KATNIP: variants seen among roughly 807,000 people sequenced by gnomAD.
The protein encoded by KATNIP is katanin-interacting protein.
Under a neutral mutation model 174.0 loss-of-function variants are expected in KATNIP, and 126 were observed. The observed-to-expected ratio is 0.72, with a 90% CI of 0.63 to 0.84. The LOEUF is 0.84. Among genes scored for constraint, KATNIP ranks in the 40% least tolerant of loss-of-function variants. The probability of loss-of-function intolerance (pLI) is 0.00; values close to 1 mark genes in which losing one functional copy is unlikely to be tolerated. For synonymous variants in KATNIP, 810 were observed against 835.7 expected (o/e 0.97, Z 0.53); for missense variants, 1,958 against 2,109.7 (o/e 0.93, Z 1.41).
intron 23 of KATNIP, among the ~76,000 whole-genome samples, chr16:27,773,554 G>A (rs1412796327): frequency 2.6e-5 from 4 of 152,228 alleles, no homozygotes; most frequent in Non-Finnish European, 1.5e-5. Flanking sequence ...CTGTTGCACT[G>A]TGTTCAACTC....
In KATNIP at chr16:27,777,533, A is replaced by T. The variant is rs899043835; in HGVS notation, c.4552-77A>T. ...TCCCGAGGAGAAAGCCTTGGCTCAG[A>T]GCAGTAACGCGTTCTGCCCAAGGTC... On this transcript the variant is annotated intron_variant, in intron 25 of 27. Coordinates refer to ENST00000261588, the MANE Select transcript of KATNIP (RefSeq NM_015202.5). The surrounding 1 kb of genome is among the most constrained non-coding windows in gnomAD (Gnocchi z 4.4). 2.9e-6 allele frequency: 4 copies of T among 1,399,212 alleles called. No homozygotes were observed. The highest frequency in any genetic ancestry group is 2.2e-5 in the Admixed American group (1 of 46,368). The allele number at this position is 1,399,212 out of a possible 1,614,324, so 86.7% of individuals were successfully genotyped here. A position where few individuals can be genotyped will look rare whatever the true frequency, so the allele number is the denominator to read the frequency against.
intron 8 of KATNIP, among the ~76,000 whole-genome samples, chr16:27,692,999 A>G (rs2078788834): frequency 6.6e-6 from 1 of 151,806 alleles, no homozygotes; most frequent in African/African-American, 2.4e-5. Context: ...GCTCAAAACC[A>G]CATCCTTCAG....
intron 2 of KATNIP, among the ~76,000 whole-genome samples, chr16:27,585,229 G>T (rs2090849579): frequency 6.6e-6 from 1 of 152,090 alleles, no homozygotes; most frequent in Non-Finnish European, 1.5e-5. Flanking sequence ...ACTACAATGA[G>T]ATATCATCTC....
At chr16:27,751,576 A>G (rs2081518655) in intron 16 of KATNIP, 143 bp from the exon 17 acceptor site, 1 of 678,632 alleles carries the variant, frequency 1.5e-6, no homozygotes, top group South Asian at 2.1e-5. Flanking sequence ...AAATCTGTGA[A>G]GACTAATAAG....
chr16:27,552,840 A>C (rs2141513586), intron 1 of KATNIP, among the ~76,000 whole-genome samples: 1 of 152,094 alleles, frequency 6.6e-6, no homozygotes, highest in Admixed American at 6.6e-5. Context: ...GATTACAGGC[A>C]TGTGCCACCA....
intron 5 of KATNIP, among the ~76,000 whole-genome samples, chr16:27,645,491 C>T (rs950587453): frequency 6.6e-6 from 1 of 152,182 alleles, no homozygotes; most frequent in Non-Finnish European, 1.5e-5. Flanking sequence ...AACAAGTGCC[C>T]AGAGTGGGTT....
At chr16:27,715,585 G>A (rs1157765200) in intron 13 of KATNIP, among the ~76,000 whole-genome samples, 1 of 152,056 alleles carries the variant, frequency 6.6e-6, no homozygotes, top group African/African-American at 2.4e-5. Flanking sequence ...GAAAAAAACC[G>A]TAATGACAAA....
intron 8 of KATNIP, among the ~76,000 whole-genome samples, chr16:27,684,579 A>G (rs573569847): frequency 2.1e-3 from 322 of 152,366 alleles, no homozygotes; most frequent in African/African-American, 7.4e-3. Context: ...TAGGGCAGCC[A>G]TAACGAAGTA....
At chr16:27,666,495 A>G (rs890522411) in intron 6 of KATNIP, among the ~76,000 whole-genome samples, 1 of 152,090 alleles carries the variant, frequency 6.6e-6, no homozygotes, top group East Asian at 1.9e-4. Context: ...TTGACTCACT[A>G]CAACTTCTGC....
chr16:27,618,515 C>G lies in KATNIP; in HGVS notation c.140+14C>G. On this transcript the variant is annotated intron_variant, in intron 3 of 27. Coordinates refer to ENST00000261588, the MANE Select transcript of KATNIP (RefSeq NM_015202.5). ...GCAGAGGAACCGGTAAGAGAAGCCA[C>G]TCGACGGCAGCCCTTGATATTAGCG... is the stretch of plus-strand genomic sequence containing the variant. 6.3e-7 allele frequency: 1 copy of G among 1,576,816 alleles called. No homozygotes were observed. The highest frequency in any genetic ancestry group is 8.7e-7 in the Non-Finnish European group (1 of 1,146,000).
intron 1 of KATNIP, among the ~76,000 whole-genome samples, chr16:27,567,135 T>C (rs975485106): frequency 2.0e-5 from 3 of 152,218 alleles, no homozygotes; most frequent in African/African-American, 7.2e-5. Context: ...CCAGCAAGAT[T>C]TGGGGTCCTG....
chr16:27,661,484 C>T (rs191842315), intron 6 of KATNIP, among the ~76,000 whole-genome samples: 5 of 152,004 alleles, frequency 3.3e-5, no homozygotes, highest in East Asian at 3.9e-4. Context: ...CTCCGCCTCC[C>T]GGGTTAATGC....
At chr16:27,679,688 G>A (rs139323557) in intron 7 of KATNIP, among the ~76,000 whole-genome samples, 101 of 150,410 alleles carry the variant, frequency 6.7e-4, no homozygotes, top group African/African-American at 2.3e-3. Context: ...AAAAGTTGAA[G>A]CTGCAGTGAG....
intron 24 of KATNIP, among the ~76,000 whole-genome samples, chr16:27,775,549 G>A (rs1455653137): frequency 2.6e-5 from 4 of 152,232 alleles, no homozygotes; most frequent in African/African-American, 4.8e-5. Context: ...AATTGGCCTG[G>A]TCAGCTCTTC....
intron 6 of KATNIP, among the ~76,000 whole-genome samples, chr16:27,665,694 A>C (rs1164631052): frequency 1.3e-5 from 2 of 149,916 alleles, no homozygotes; most frequent in Admixed American, 1.3e-4. Context: ...TCCACCTCCC[A>C]GGTTCAAGCA....
intron 1 of KATNIP, among the ~76,000 whole-genome samples, chr16:27,557,430 AT>A (rs35106167): frequency 0.75 from 90,087 of 119,398 alleles, 33,414 homozygotes; most frequent in South Asian, 0.86. Context: ...ACAGGTGTGG[AT>A]TTTTTTTTTT....
intron 2 of KATNIP, among the ~76,000 whole-genome samples, chr16:27,597,613 A>T (rs557195108): frequency 1.6e-4 from 24 of 152,168 alleles, no homozygotes; most frequent in African/African-American, 5.8e-4. Flanking sequence ...GGAGGACATT[A>T]GAGTTGCTTT....
chr16:27,732,703 C>G (rs1374639482), intron 14 of KATNIP, among the ~76,000 whole-genome samples: 1 of 152,184 alleles, frequency 6.6e-6, no homozygotes, highest in South Asian at 2.1e-4. Flanking sequence ...GGTGACAGCA[C>G]CTCACTCCCC....
At chr16:27,682,236 A>G (rs917876307) in intron 8 of KATNIP, among the ~76,000 whole-genome samples, 5 of 152,242 alleles carry the variant, frequency 3.3e-5, no homozygotes, top group Non-Finnish European at 5.9e-5. Flanking sequence ...GAGAGGTTAC[A>G]TTTATTCACT....
Sources: gnomAD v4.1 joint callset for allele counts (sites outside exome capture counted in the v4.1 genomes callset) on GRCh38, gnomAD v4.1.1 for gene constraint, Gnocchi (gnomAD v3.1) non-coding constraint, MANE v1.5 for transcripts, NCBI Gene and HGNC (gene_info 2026-07-23, HGNC 2026-07-21) for gene names.